GLRB: variants seen among roughly 807,000 people sequenced by gnomAD.
GLRB encodes glycine receptor subunit beta.
In GLRB, 33 loss-of-function variants were observed where a neutral mutation model predicts 54.2. The observed-to-expected ratio is 0.61, with a 90% CI of 0.46 to 0.81. The LOEUF (loss-of-function observed/expected upper bound fraction) is 0.81. Ranked by LOEUF, GLRB falls within the 40% of genes least tolerant of loss-of-function variation. The probability of loss-of-function intolerance (pLI) is 0.00; values close to 1 mark genes in which losing one functional copy is unlikely to be tolerated. For missense variants in GLRB, 572 were observed against 584.6 expected, an observed-to-expected ratio of 0.98 and a Z score of 0.22; for synonymous variants, 209 against 208.2, an observed-to-expected ratio of 1.00 and a Z score of -0.03.
intron 9 of GLRB, among the ~76,000 whole-genome samples, chr4:157,155,729 G>A (rs1360928844): frequency 6.6e-6 from 1 of 152,126 alleles, no homozygotes; most frequent in African/African-American, 2.4e-5. Flanking sequence ...TCTTTTGGTC[G>A]AGTAGTGATC....
intron 8 of GLRB, among the ~76,000 whole-genome samples, chr4:157,150,296 A>G (rs1055969263): frequency 6.6e-6 from 1 of 152,106 alleles, no homozygotes; most frequent in African/African-American, 2.4e-5. Flanking sequence ...TTCCAAAGAT[A>G]AGGCACATAG....
At position 157,138,796 on chromosome 4, in the gene GLRB, T is replaced by G; in HGVS notation, c.611-13T>G. 7.4e-7 allele frequency: 1 copy of G among 1,349,494 alleles called. No individual in the cohort carries two copies. Among genetic ancestry groups the G allele is most frequent in the Non-Finnish European group, 1.1e-6 (1 of 944,342 alleles). 83.6% of individuals were successfully genotyped at this position (1,349,494 alleles called of 1,614,324 possible). The stretch of plus-strand genomic sequence containing the variant: ...TATATTTTAAACTAACATTTATTTG[T>G]TTTTGTTTATAGTTGGTTACACAAC... On this transcript the variant is annotated splice_polypyrimidine_tract_variant and intron_variant, in intron 6 of 9. Coordinates refer to ENST00000264428, the MANE Select transcript of GLRB (RefSeq NM_000824.5).
chr4:157,153,936 C>T (rs934622088), intron 9 of GLRB, among the ~76,000 whole-genome samples: 2 of 152,098 alleles, frequency 1.3e-5, no homozygotes, highest in Admixed American at 6.5e-5. Context: ...ACTAGTATAC[C>T]GCATGCGGTT....
rs372530702 is a variant in GLRB, at chr4:157,170,411, G to T, written c.1198-21G>T. 1.5e-5 allele frequency: 22 copies of T among 1,453,918 alleles called. No homozygotes were observed. In the South Asian group the frequency reaches 2.3e-4, roughly 15 times the overall value. 90.1% of individuals were successfully genotyped at this position (1,453,918 alleles called of 1,614,324 possible). On this transcript the variant is annotated intron_variant, in intron 9 of 9. Coordinates refer to ENST00000264428, the MANE Select transcript of GLRB (RefSeq NM_000824.5). The stretch of plus-strand genomic sequence containing the variant: ...TAAGTAGAAAAGTTTTAAATACATT[G>T]TCTTCAATATTTATTCTTAGGTTGG...
intron 4 of GLRB, among the ~76,000 whole-genome samples, chr4:157,130,920 C>G (rs1449033362): frequency 6.6e-6 from 1 of 151,466 alleles, no homozygotes; most frequent in Non-Finnish European, 1.5e-5. Context: ...TGAAGCTGAT[C>G]CAAGGAAGAA....
chr4:157,109,398 C>T (rs541924669), intron 2 of GLRB, among the ~76,000 whole-genome samples: 19 of 151,796 alleles, frequency 1.3e-4, no homozygotes, highest in Non-Finnish European at 4.4e-5. Context: ...TTCTGTAATT[C>T]CCATAATGCC....
rs185998035 is a variant in GLRB at position 157,151,994 on chromosome 4, G to C, written c.905-724G>C. Among the ~76,000 whole-genome samples, 4 of 152,184 alleles carry C rather than the reference G, an allele frequency of 2.6e-5. No homozygotes were observed. The East Asian group carries it at 7.7e-4, about 29-fold the overall frequency. On this transcript the variant is annotated intron_variant, in intron 8 of 9. Coordinates refer to ENST00000264428, the MANE Select transcript of GLRB (RefSeq NM_000824.5). Reference sequence around the variant, plus strand: ...TCATCTTCTCTCTTGAAAATACGAAGGAAAGGAAAAAGAGAGAGGAATGGC... The same window carrying C: ...TCATCTTCTCTCTTGAAAATACGAACGAAAGGAAAAAGAGAGAGGAATGGC...
At chr4:157,127,592 C>T (rs145885950) in intron 4 of GLRB, among the ~76,000 whole-genome samples, 5 of 151,854 alleles carry the variant, frequency 3.3e-5, no homozygotes, top group East Asian at 1.9e-4. Flanking sequence ...ATTTGGAGAT[C>T]GGGGGAGAGT....
chr4:157,130,850 T>C (rs575012466), intron 4 of GLRB, among the ~76,000 whole-genome samples: 1 of 151,850 alleles, frequency 6.6e-6, no homozygotes, highest in African/African-American at 2.4e-5. Flanking sequence ...TAAGACAGAC[T>C]TATAGTGAAG....
chr4:157,162,398 TGGA>T (rs1374839325), intron 9 of GLRB, among the ~76,000 whole-genome samples: 1 of 152,236 alleles, frequency 6.6e-6, no homozygotes, highest in East Asian at 1.9e-4. Context: ...TGCATTTCTT[TGGA>T]GGAGAAGAGG....
At chr4:157,114,119 C>T (rs1005620290) in intron 2 of GLRB, among the ~76,000 whole-genome samples, 4 of 151,898 alleles carry the variant, frequency 2.6e-5, no homozygotes, top group Non-Finnish European at 5.9e-5. Flanking sequence ...AAAATTATTG[C>T]ATACAGATGG....
chr4:157,126,055 C>A (rs1020353501), intron 4 of GLRB, among the ~76,000 whole-genome samples: 2 of 151,712 alleles, frequency 1.3e-5, no homozygotes, highest in African/African-American at 4.8e-5. Context: ...TGAATAGCCA[C>A]GAGTCAGGTG....
chr4:157,078,741 C>T (rs1734127839), intron 2 of GLRB, among the ~76,000 whole-genome samples: 2 of 152,054 alleles, frequency 1.3e-5, no homozygotes, highest in Non-Finnish European at 2.9e-5. Flanking sequence ...TCCAACACAT[C>T]CCCCACAAAA....
At chr4:157,088,109 A>G (rs1321919504) in intron 2 of GLRB, among the ~76,000 whole-genome samples, 4 of 152,192 alleles carry the variant, frequency 2.6e-5, no homozygotes, top group Non-Finnish European at 5.9e-5. Context: ...CTAATAAAAT[A>G]TGTTGGATAC....
chr4:157,124,763 G>A (rs1426536567), intron 4 of GLRB, among the ~76,000 whole-genome samples: 2 of 151,764 alleles, frequency 1.3e-5, no homozygotes, highest in African/African-American at 4.8e-5. Context: ...TGATCATATA[G>A]CCTGGATGAA....
At chr4:157,133,962 AT>A (rs993724628) in intron 4 of GLRB, among the ~76,000 whole-genome samples, 1 of 152,030 alleles carries the variant, frequency 6.6e-6, no homozygotes, top group African/African-American at 2.4e-5. Flanking sequence ...TAACCATACC[AT>A]TTTGAAAATA....
chr4:157,160,216 T>G (rs1274446543), intron 9 of GLRB, among the ~76,000 whole-genome samples: 1 of 152,156 alleles, frequency 6.6e-6, no homozygotes, highest in African/African-American at 2.4e-5. Flanking sequence ...TGCTTGATTC[T>G]TCTCTCTTTT....
intron 7 of GLRB, among the ~76,000 whole-genome samples, chr4:157,139,349 A>G (rs758918702): frequency 5.9e-5 from 9 of 152,200 alleles, no homozygotes; most frequent in Non-Finnish European, 1.0e-4. Context: ...TAGTTTTTAG[A>G]TGGTGGTTGG....
chr4:157,091,089 AT>A (rs1327323911), intron 2 of GLRB, among the ~76,000 whole-genome samples: 1 of 152,128 alleles, frequency 6.6e-6, no homozygotes, highest in Non-Finnish European at 1.5e-5. Context: ...TATCTATTAA[AT>A]CTATTAAGTT....
Sources: gnomAD v4.1 joint callset for allele counts (sites outside exome capture counted in the v4.1 genomes callset) on GRCh38, gnomAD v4.1.1 for gene constraint, MANE v1.5 for transcripts, NCBI Gene and HGNC (gene_info 2026-07-23, HGNC 2026-07-21) for gene names.